RAPGEF4: variants seen among roughly 807,000 people sequenced by gnomAD.
RAPGEF4 encodes the protein Rap guanine nucleotide exchange factor 4, also known as RAP guanine-nucleotide-exchange factor (GEF) 4.
In RAPGEF4, 66 loss-of-function variants were observed where a neutral mutation model predicts 147.9. The ratio of observed to expected loss-of-function variants is 0.45; its 90% CI spans 0.37 to 0.55. The LOEUF is 0.55. RAPGEF4 is among the 20% of genes least tolerant of loss of function. The pLI is 0.00. For synonymous variants in RAPGEF4, 419 were observed against 442.7 expected (o/e 0.95, Z 0.67); for missense variants, 1,071 against 1,257.3 (o/e 0.85, Z 2.24).
intron 10 of RAPGEF4, among the ~76,000 whole-genome samples, chr2:172,978,718 G>T (rs1327885677): frequency 6.6e-6 from 1 of 152,224 alleles, no homozygotes; most frequent in African/African-American, 2.4e-5. Flanking sequence ...TGAGGGTTGA[G>T]CTGCGGCTGC....
At chr2:173,039,820 G>C (rs907833868) in intron 29 of RAPGEF4, among the ~76,000 whole-genome samples, 3 of 152,212 alleles carry the variant, frequency 2.0e-5, no homozygotes, top group Admixed American at 6.5e-5. Context: ...AAAGAGTACT[G>C]TAAGTTCTCT....
intron 1 of RAPGEF4, among the ~76,000 whole-genome samples, chr2:172,768,163 A>G (rs1697025686): frequency 6.6e-6 from 1 of 152,138 alleles, no homozygotes; most frequent in Non-Finnish European, 1.5e-5. Context: ...AAATGTATAC[A>G]CTGCTTGTGC....
chr2:172,792,622 T>C (rs10174863), intron 1 of RAPGEF4, among the ~76,000 whole-genome samples: 51,940 of 152,018 alleles, frequency 0.34, 9,348 homozygotes, highest in Middle Eastern at 0.47. Context: ...GGGTGAAAAT[T>C]GAGCAAGATG....
At chr2:172,742,926 C>T (rs1332527361) in intron 1 of RAPGEF4, among the ~76,000 whole-genome samples, 1 of 152,150 alleles carries the variant, frequency 6.6e-6, no homozygotes, top group African/African-American at 2.4e-5. Context: ...GCAAATCCAG[C>T]CTCTTTGTCT....
At chr2:172,861,600 C>T (rs566508119) in intron 4 of RAPGEF4, among the ~76,000 whole-genome samples, 7 of 152,174 alleles carry the variant, frequency 4.6e-5, no homozygotes, top group Non-Finnish European at 1.0e-4. Context: ...CTTGACCAAA[C>T]TGCAGGGTTC....
At chr2:172,772,084 C>T (rs1032499052) in intron 1 of RAPGEF4, among the ~76,000 whole-genome samples, 4 of 151,772 alleles carry the variant, frequency 2.6e-5, no homozygotes, top group East Asian at 2.0e-4. Context: ...ACAAAAAATA[C>T]GAAAATTAGC....
At chr2:173,006,724 CT>C (rs1446387870) in intron 17 of RAPGEF4, among the ~76,000 whole-genome samples, 4 of 152,144 alleles carry the variant, frequency 2.6e-5, no homozygotes, top group Non-Finnish European at 5.9e-5. Context: ...ATCTGCTTTT[CT>C]TTTTGATGAA....
intron 4 of RAPGEF4, among the ~76,000 whole-genome samples, chr2:172,838,879 A>G (rs1574999718): frequency 6.6e-6 from 1 of 152,210 alleles, no homozygotes; most frequent in East Asian, 1.9e-4. Context: ...TATTTGAACC[A>G]TATGTTGTTC....
chr2:172,828,830 G>A (rs1689975000), intron 4 of RAPGEF4, among the ~76,000 whole-genome samples: 1 of 152,146 alleles, frequency 6.6e-6, no homozygotes, highest in Non-Finnish European at 1.5e-5. Flanking sequence ...GGGAATCATG[G>A]CAGCCCGTTC....
intron 1 of RAPGEF4, among the ~76,000 whole-genome samples, chr2:172,778,141 C>A (rs1301864135): frequency 2.0e-5 from 3 of 152,100 alleles, no homozygotes; most frequent in African/African-American, 7.2e-5. Flanking sequence ...ATGCGTGGTT[C>A]AATAACAGGT....
intron 1 of RAPGEF4, among the ~76,000 whole-genome samples, chr2:172,746,538 C>T (rs1694785588): frequency 1.3e-5 from 2 of 152,248 alleles, no homozygotes; most frequent in South Asian, 4.1e-4. Context: ...TTTCTAAAAA[C>T]ACTTTTATTG....
At chr2:172,757,607 G>A (rs112225002) in intron 1 of RAPGEF4, among the ~76,000 whole-genome samples, 1 of 152,168 alleles carries the variant, frequency 6.6e-6, no homozygotes, top group Non-Finnish European at 1.5e-5. Flanking sequence ...TATTGGAGCT[G>A]TATGTATAAT....
At chr2:172,856,696 A>G (rs1180581167) in intron 4 of RAPGEF4, among the ~76,000 whole-genome samples, 2 of 152,182 alleles carry the variant, frequency 1.3e-5, no homozygotes, top group African/African-American at 4.8e-5. Flanking sequence ...TCACATATGT[A>G]TAGTACTGGG....
chr2:172,736,569 C>T (rs1693793438), intron 1 of RAPGEF4, among the ~76,000 whole-genome samples: 1 of 152,192 alleles, frequency 6.6e-6, no homozygotes, highest in Admixed American at 6.5e-5. Context: ...CGCAGTCGCT[C>T]GCTCAAGGTC....
chr2:172,928,205 A>C (rs1575273206), intron 6 of RAPGEF4: 1 of 455,420 alleles, frequency 2.2e-6, no homozygotes, highest in Non-Finnish European at 4.4e-6. Flanking sequence ...GTCTCTGAGG[A>C]AATGTTTGTT....
rs376710993 is a variant in RAPGEF4, at chr2:172,960,860, A to T, written c.591+47A>T. On this transcript the variant is annotated intron_variant, in intron 7 of 30. Coordinates refer to ENST00000397081, the MANE Select transcript of RAPGEF4 (RefSeq NM_007023.4). The stretch of plus-strand genomic sequence containing the variant: ...GATGAGCCATTGAGCTAGCTTCTTA[A>T]GTACCTCTGGAGGTGGTCCATATGT... The T allele has an allele frequency of 1.2e-5, 18 of 1,478,254 alleles. No homozygotes were observed. In the South Asian group the frequency reaches 1.5e-4, roughly 12 times the overall value. 91.6% of individuals were successfully genotyped at this position (1,478,254 alleles called of 1,614,324 possible).
In RAPGEF4 at chr2:172,869,177, C is replaced by T. The variant is rs141252159; in HGVS notation, c.445-48625C>T. Among the ~76,000 whole-genome samples the T allele has an allele frequency of 2.0e-5, 3 of 152,278 alleles. No homozygotes were observed. In the East Asian group the frequency reaches 5.8e-4, roughly 29 times the overall value. On this transcript the variant is annotated intron_variant, in intron 4 of 30. Transcript: ENST00000397081. ...TGTAAAATATGAAGACTAACCCTTACTTCATGGAGTTATTAGGGGACCTCA... is the reference window on the plus strand; with the variant it reads ...TGTAAAATATGAAGACTAACCCTTATTTCATGGAGTTATTAGGGGACCTCA...
At chr2:172,844,536 A>G (rs1559071776) in intron 4 of RAPGEF4, among the ~76,000 whole-genome samples, 1 of 152,132 alleles carries the variant, frequency 6.6e-6, no homozygotes, top group Non-Finnish European at 1.5e-5. Flanking sequence ...TATACTCTCA[A>G]GCATGAGATT....
At chr2:172,881,358 A>G (rs1355025962) in intron 4 of RAPGEF4, among the ~76,000 whole-genome samples, 1 of 152,242 alleles carries the variant, frequency 6.6e-6, no homozygotes, top group East Asian at 1.9e-4. Flanking sequence ...TCTCTAATGA[A>G]TAAGGCGAAT....
Sources: gnomAD v4.1 joint callset for allele counts (sites outside exome capture counted in the v4.1 genomes callset) on GRCh38, gnomAD v4.1.1 for gene constraint, MANE v1.5 for transcripts, NCBI Gene and HGNC (gene_info 2026-07-23, HGNC 2026-07-21) for gene names.